PARD3: variants seen among roughly 807,000 people sequenced by gnomAD.
PARD3 encodes par-3 family cell polarity regulator, also known as partitioning defective 3 homolog.
PARD3 carries 75 observed loss-of-function variants against 155.4 expected under a neutral mutation model. That is an observed-to-expected ratio of 0.48 (90% CI 0.40 to 0.58). PARD3 has a LOEUF of 0.58. Among genes scored for constraint, PARD3 ranks in the 20% least tolerant of loss-of-function variants. The pLI is 0.00. For missense variants in PARD3, 1,642 were observed against 1,721.7 expected (o/e 0.95, Z 0.82); for synonymous variants, 576 against 610.5 (o/e 0.94, Z 0.83).
intron 2 of PARD3, among the ~76,000 whole-genome samples, chr10:34,518,217 C>T (rs989140143): frequency 6.6e-6 from 1 of 152,084 alleles, no homozygotes; most frequent in Non-Finnish European, 1.5e-5. Flanking sequence ...TAAGTAAATA[C>T]ACCGACAAAT....
rs142553947 is a variant in PARD3 at position 34,359,214 on chromosome 10, G to C, written c.2000C>G (p.Ser667Cys). 1 of 1,613,742 alleles carries C rather than the reference G, an allele frequency of 6.2e-7. No homozygotes were observed. Among genetic ancestry groups the C allele is most frequent in the Non-Finnish European group, 8.5e-7 (1 of 1,179,738 alleles). ...CATTCCTCGTTTATTGCCTTCAGTAGACATAGACCTTCTTAGGGTTTCCAT... is the reference window on the plus strand; with the variant it reads ...CATTCCTCGTTTATTGCCTTCAGTACACATAGACCTTCTTAGGGTTTCCAT... The part of the protein sequence containing the change: ...DAMETLRRSM[S>C]TEGNKRGMIQ... Residue 667 changes from serine to cysteine, a missense_variant, in exon 14 of 25, where the codon TCT becomes TGT. By Grantham distance (112) the Ser-to-Cys change is moderately radical (BLOSUM62 -1). This residue lies in a region of PARD3 where 1,529 missense variants were observed against 1,587.3 expected (regional missense o/e 0.96). Transcript: ENST00000374788.
rs146961032 is a variant in PARD3, at chr10:34,646,179, C to G, written c.222+50139G>C. ...TAAATAAAAACCATCAATAACTCCTCATTTTTGTTTTTGGATTAGTATAGA... is the reference window on the plus strand; with the variant it reads ...TAAATAAAAACCATCAATAACTCCTGATTTTTGTTTTTGGATTAGTATAGA... On this transcript the variant is annotated intron_variant, in intron 2 of 24. Transcript: ENST00000374788. Among the ~76,000 whole-genome samples the G allele has an allele frequency of 4.7e-3, 718 of 152,318 alleles. 5 individuals are homozygous for G. The highest frequency in any genetic ancestry group is 0.016 in the African/African-American group (680 of 41,566).
Position 34,697,771 on chromosome 10 carries a change from TCA to T in PARD3, c.121-1354_121-1353del, listed in dbSNP as rs145318885. ...GAGAGTAAGTTTGTAAAACAAACACTCACACACACACACACACACACACGTTG... is the reference window on the plus strand; with the variant it reads ...GAGAGTAAGTTTGTAAAACAAACACTCACACACACACACACACACACGTTG... On this transcript the variant is annotated intron_variant, in intron 1 of 24. Transcript: ENST00000374788. Among the ~76,000 whole-genome samples the T allele has an allele frequency of 1.9e-3, 284 of 150,270 alleles. 3 individuals are homozygous for T. The highest frequency in any genetic ancestry group is 5.9e-3 in the African/African-American group (239 of 40,804).
chr10:34,443,331 A>T (rs2076565969), intron 5 of PARD3, among the ~76,000 whole-genome samples: 1 of 152,250 alleles, frequency 6.6e-6, no homozygotes, highest in Admixed American at 6.5e-5. Context: ...TTAAACTCAT[A>T]GAAACTTACC....
chr10:34,678,771 A>T (rs1289268228), intron 2 of PARD3, among the ~76,000 whole-genome samples: 1 of 152,136 alleles, frequency 6.6e-6, no homozygotes, highest in Non-Finnish European at 1.5e-5. Context: ...TTAAGGAGTA[A>T]ACACAAAGAG....
chr10:34,459,171 TTTC>T (rs2077489624), intron 4 of PARD3, among the ~76,000 whole-genome samples: 1 of 152,156 alleles, frequency 6.6e-6, no homozygotes, highest in Admixed American at 6.5e-5. Context: ...TTTCATTTTC[TTTC>T]TTTTTTTTTT....
At chr10:34,535,714 G>A (rs1424465827) in intron 2 of PARD3, among the ~76,000 whole-genome samples, 2 of 151,912 alleles carry the variant, frequency 1.3e-5, no homozygotes, top group Non-Finnish European at 2.9e-5. Flanking sequence ...GACATCAGGT[G>A]GTCCACCAGC....
intron 3 of PARD3, among the ~76,000 whole-genome samples, chr10:34,493,623 T>A (rs1452209324): frequency 1.3e-5 from 2 of 151,612 alleles, no homozygotes; most frequent in African/African-American, 4.9e-5. Context: ...TTCCAGCTAC[T>A]CGGGAGGCTG....
intron 1 of PARD3, among the ~76,000 whole-genome samples, chr10:34,752,663 T>C (rs1033566319): frequency 9.9e-5 from 15 of 152,196 alleles, no homozygotes; most frequent in African/African-American, 3.6e-4. Context: ...CTCAATTCAA[T>C]AGAATATCTT....
intron 10 of PARD3, among the ~76,000 whole-genome samples, chr10:34,376,566 C>A (rs575714263): frequency 1.3e-5 from 2 of 152,144 alleles, no homozygotes; most frequent in Non-Finnish European, 1.5e-5. Context: ...GGAAGCAGGA[C>A]CCTAACATAA....
In PARD3 at chr10:34,115,622, T is replaced by C. The variant is rs995169655; in HGVS notation, c.3668+3991A>G. Among the ~76,000 whole-genome samples the C allele has an allele frequency of 2.0e-5, 3 of 151,760 alleles. No homozygotes were observed. In the East Asian group the frequency reaches 5.8e-4, roughly 29 times the overall value. ...TGTTAGCTAACTTGATTAAACTTAA[T>C]TAATTCTTTTATGCTATATTCATAA... On this transcript the variant is annotated intron_variant, in intron 24 of 24. Coordinates refer to ENST00000374788, the MANE Select transcript of PARD3 (RefSeq NM_001184785.2).
At chr10:34,447,932 C>A (rs1167822241) in intron 5 of PARD3, among the ~76,000 whole-genome samples, 1 of 152,096 alleles carries the variant, frequency 6.6e-6, no homozygotes, top group Non-Finnish European at 1.5e-5. Context: ...GAAGTCTCCT[C>A]AAAAACTTAA....
chr10:34,301,909 G>A (rs1006263870), intron 20 of PARD3, among the ~76,000 whole-genome samples: 25 of 146,856 alleles, frequency 1.7e-4, no homozygotes, highest in African/African-American at 5.8e-4. Flanking sequence ...CTGTCCCTAC[G>A]GCTACCTCCA....
At chr10:34,386,817 CAAAAAAAA>C (rs79015033) in intron 7 of PARD3, among the ~76,000 whole-genome samples, 2 of 85,514 alleles carry the variant, frequency 2.3e-5, no homozygotes, top group East Asian at 7.4e-4. Context: ...AAACTCCGTC[CAAAAAAAA>C]AAAAAAAAGA....
chr10:34,130,084 C>T (rs901062211), intron 23 of PARD3, among the ~76,000 whole-genome samples: 17 of 152,134 alleles, frequency 1.1e-4, no homozygotes, highest in African/African-American at 2.2e-4. Flanking sequence ...CACTAATCTC[C>T]GCTCTACTTC....
At chr10:34,546,687 A>G (rs1253064346) in intron 2 of PARD3, among the ~76,000 whole-genome samples, 1 of 152,196 alleles carries the variant, frequency 6.6e-6, no homozygotes, top group Non-Finnish European at 1.5e-5. Context: ...GATCATAGCA[A>G]TTACCAATAT....
At chr10:34,294,893 T>C (rs1393163368) in intron 20 of PARD3, among the ~76,000 whole-genome samples, 3 of 152,144 alleles carry the variant, frequency 2.0e-5, no homozygotes, top group Admixed American at 6.6e-5. Flanking sequence ...AGCATGCCTG[T>C]ATCCTGGAGA....
intron 2 of PARD3, among the ~76,000 whole-genome samples, chr10:34,598,071 G>A (rs1039604726): frequency 2.6e-5 from 4 of 152,166 alleles, no homozygotes; most frequent in Admixed American, 2.6e-4. Flanking sequence ...AGTAACAACT[G>A]TTACGCCTAA....
chr10:34,786,139 C>T (rs1474532724), intron 1 of PARD3, among the ~76,000 whole-genome samples: 1 of 152,202 alleles, frequency 6.6e-6, no homozygotes, highest in East Asian at 1.9e-4. Flanking sequence ...AAATACAGAA[C>T]TCTGACAACT....
Sources: gnomAD v4.1 joint callset for allele counts (sites outside exome capture counted in the v4.1 genomes callset) on GRCh38, gnomAD v4.1.1 for gene constraint, gnomAD v4.1.1 regional missense constraint, MANE v1.5 for transcripts, NCBI Gene and HGNC (gene_info 2026-07-23, HGNC 2026-07-21) for gene names.